TENM1: variants seen among roughly 807,000 people sequenced by gnomAD.
TENM1 encodes the protein teneurin-1.
In TENM1, 35 loss-of-function variants were observed where a neutral mutation model predicts 174.8. That is an observed-to-expected ratio of 0.20 (90% confidence interval 0.15 to 0.27). The LOEUF is 0.27. Among genes scored for constraint, TENM1 ranks in the 10% least tolerant of loss-of-function variants. The pLI, the probability that TENM1 is intolerant of heterozygous loss-of-function variation, is 1.00. For missense variants in TENM1, 1,633 were observed against 2,130.1 expected (o/e 0.77, Z 4.59); for synonymous variants, 781 against 798.7 (o/e 0.98, Z 0.37).
At chrX:124,746,521 A>G (rs963723320) in intron 3 of TENM1, among the ~76,000 whole-genome samples, 19 of 111,321 alleles carry the variant, frequency 1.7e-4, no homozygotes, top group African/African-American at 5.9e-4. Flanking sequence ...TTTTTCCTTC[A>G]AAGTCTGATT....
chrX:124,870,283 T>C (rs1351252977), intron 3 of TENM1, among the ~76,000 whole-genome samples: 6 of 112,010 alleles, frequency 5.4e-5, no homozygotes, highest in Non-Finnish European at 1.1e-4. Context: ...CTAGAAACTA[T>C]TCTAGGGCCT....
At chrX:124,991,861 G>C in the TENM1 span, among the ~76,000 whole-genome samples, 2 of 111,225 alleles carry the variant, frequency 1.8e-5, no homozygotes, top group Non-Finnish European at 3.8e-5. Flanking sequence ...CTTGTTCTGA[G>C]CCTATAACCT....
chrX:124,450,216 C>T (rs1442942962), intron 23 of TENM1, among the ~76,000 whole-genome samples: 2 of 110,636 alleles, frequency 1.8e-5, no homozygotes, highest in Admixed American at 9.6e-5. Context: ...AAAAATTAGC[C>T]GGGCGTGATG....
At chrX:125,188,014 A>G in the TENM1 span, among the ~76,000 whole-genome samples, 1 of 111,776 alleles carries the variant, frequency 8.9e-6, no homozygotes. Context: ...TATGTTTTTA[A>G]TTCTTCAAAA....
At chrX:124,530,898 G>A (rs765897309) in intron 15 of TENM1, among the ~76,000 whole-genome samples, 1 of 111,954 alleles carries the variant, frequency 8.9e-6, no homozygotes, top group African/African-American at 3.2e-5. Context: ...TGGCTGACAA[G>A]CTGTAACAAA....
At chrX:124,817,196 T>C (rs1569454108) in intron 3 of TENM1, among the ~76,000 whole-genome samples, 1 of 111,329 alleles carries the variant, frequency 9.0e-6, no homozygotes, top group Non-Finnish European at 1.9e-5. Flanking sequence ...GCTTCATCCA[T>C]GTCCCTGCAA....
intron 18 of TENM1, among the ~76,000 whole-genome samples, chrX:124,507,238 T>C (rs1368531211): frequency 9.0e-6 from 1 of 111,617 alleles, no homozygotes; most frequent in African/African-American, 3.3e-5. Flanking sequence ...AATGGGTTCG[T>C]GCTGGTGTGC....
intron 27 of TENM1, among the ~76,000 whole-genome samples, chrX:124,399,063 T>C (rs1463886089): frequency 1.8e-5 from 2 of 112,118 alleles, no homozygotes; most frequent in Non-Finnish European, 3.8e-5. Context: ...AATAATATAA[T>C]GTTTTTTACT....
chrX:124,397,399 A>G (rs1442777078), intron 27 of TENM1, among the ~76,000 whole-genome samples: 4 of 111,706 alleles, frequency 3.6e-5, no homozygotes, highest in African/African-American at 1.3e-4. Context: ...ACGCCTGTGA[A>G]TGTGCTGAAC....
intron 11 of TENM1, among the ~76,000 whole-genome samples, chrX:124,618,890 G>A (rs1275996180): frequency 1.8e-5 from 2 of 111,799 alleles, no homozygotes; most frequent in Non-Finnish European, 3.8e-5. Flanking sequence ...AGACCAGCCT[G>A]GGCAATATAG....
exon 32 of TENM1, chrX:124,380,940 C>T (rs760070626): frequency 1.7e-5 from 20 of 1,211,667 alleles, no homozygotes; most frequent in Non-Finnish European, 2.2e-5. Context: ...CGCCTCCCCC[C>T]AGTGTTACCG....
chrX:124,997,001 G>C, the TENM1 span, among the ~76,000 whole-genome samples: 5 of 111,412 alleles, frequency 4.5e-5, 1 homozygote, highest in African/African-American at 1.6e-4. Context: ...TTTAAAAGAC[G>C]GTGAAGACAT....
chrX:124,559,075 TA>T (rs2048755700), intron 14 of TENM1, among the ~76,000 whole-genome samples: 2 of 111,671 alleles, frequency 1.8e-5, no homozygotes, highest in Admixed American at 9.6e-5. Flanking sequence ...CTTGAGGCCA[TA>T]AAAAATGGTG....
intron 3 of TENM1, among the ~76,000 whole-genome samples, chrX:124,754,467 T>C (rs1169248893): frequency 9.0e-6 from 1 of 111,354 alleles, no homozygotes; most frequent in Non-Finnish European, 1.9e-5. Flanking sequence ...TTTTGAAGGG[T>C]TTTTTGTGTC....
intron 3 of TENM1, among the ~76,000 whole-genome samples, chrX:124,747,202 G>C (rs1351555828): frequency 9.3e-6 from 1 of 107,089 alleles, no homozygotes; most frequent in African/African-American, 3.4e-5. Context: ...AAATAAAAAC[G>C]CAAATTAGTG....
chrX:125,116,034 T>C, the TENM1 span, among the ~76,000 whole-genome samples: 1 of 111,820 alleles, frequency 8.9e-6, no homozygotes, highest in Non-Finnish European at 1.9e-5. Context: ...ATGGTAGTGG[T>C]ACCAAAACAG....
At chrX:124,631,416 TAGTA>T (rs1243028911) in intron 11 of TENM1, among the ~76,000 whole-genome samples, 1 of 110,084 alleles carries the variant, frequency 9.1e-6, no homozygotes. Context: ...GAAACAAAGA[TAGTA>T]AGTAAGAAAA....
the TENM1 span, among the ~76,000 whole-genome samples, chrX:125,072,748 G>GTTTAC: frequency 9.0e-6 from 1 of 111,375 alleles, no homozygotes; most frequent in Non-Finnish European, 1.9e-5. Context: ...TTGCAAGGCA[G>GTTTAC]CACTGGTAAA....
the TENM1 span, among the ~76,000 whole-genome samples, chrX:125,031,021 A>G: frequency 9.1e-6 from 1 of 110,385 alleles, no homozygotes; most frequent in Non-Finnish European, 1.9e-5. Flanking sequence ...ACCTAGGTAT[A>G]TTGCATAAAG....
Sources: allele counts gnomAD v4.1 joint callset (sites outside exome capture counted in the v4.1 genomes callset), GRCh38; gene constraint gnomAD v4.1.1; transcripts MANE v1.5; gene names NCBI Gene and HGNC (gene_info 2026-07-23, HGNC 2026-07-21).